KIF17: variants seen among roughly 807,000 people sequenced by gnomAD.
KIF17 encodes kinesin family member 17, also known as kinesin-like protein KIF17.
Under a neutral mutation model 96.8 loss-of-function variants are expected in KIF17, and 80 were observed. That is an observed-to-expected ratio of 0.83 (90% CI 0.69 to 1.00). The LOEUF (loss-of-function observed/expected upper bound fraction) is 1.00. Ranked by LOEUF, KIF17 falls within the 50% of genes least tolerant of loss-of-function variation. The pLI, the probability that KIF17 is intolerant of heterozygous loss-of-function variation, is 0.00. For missense variants in KIF17, 1,280 were observed against 1,372.9 expected (o/e 0.93, Z 1.07); for synonymous variants, 567 against 587.5 (o/e 0.97, Z 0.51).
chr1:20,690,058 T>C (rs1471251195), intron 7 of KIF17, 130 bp downstream of exon 7: 13 of 965,562 alleles, frequency 1.3e-5, no homozygotes, highest in Non-Finnish European at 1.9e-5. Flanking sequence ...CCTACCTTAC[T>C]GGACCATTGT....
At chr1:20,693,246 CT>C (rs34024424) in intron 6 of KIF17, 4,873 of 133,178 alleles carry the variant, frequency 0.037, 242 homozygotes, top group African/African-American at 0.12. Flanking sequence ...ACGTCCTCAT[CT>C]TTTTTTTTTT....
At chr1:20,689,430 C>T (rs557327951) in intron 7 of KIF17, among the ~76,000 whole-genome samples, 80 of 152,268 alleles carry the variant, frequency 5.3e-4, no homozygotes, top group Middle Eastern at 3.4e-3. Flanking sequence ...GCAGGTGGAT[C>T]GCTTGAGCCC....
rs139439781 is a variant in KIF17, at chr1:20,698,858, G to A, written c.1124-370C>T. The stretch of plus-strand genomic sequence containing the variant: ...CCCATCAAAATAAATAAGCAAAATG[G>A]GTAACACGTTACAAGGCGATGTGTA... On this transcript the variant is annotated intron_variant, in intron 5 of 14. Transcript: ENST00000400463. Among the ~76,000 whole-genome samples the A allele has an allele frequency of 5.3e-5, 8 of 152,236 alleles. No individual in the cohort carries two copies. In the East Asian group the frequency reaches 1.5e-3, roughly 29 times the overall value.
intron 11 of KIF17, among the ~76,000 whole-genome samples, chr1:20,676,124 T>A (rs928117177): frequency 3.3e-5 from 5 of 152,222 alleles, no homozygotes; most frequent in African/African-American, 1.2e-4. Context: ...TTTACTCTTT[T>A]TTCTCTACCC....
intron 7 of KIF17, 100 bp from the exon 8 acceptor site, chr1:20,688,044 G>GC (rs2053971634): frequency 2.0e-5 from 18 of 918,692 alleles, no homozygotes; most frequent in Non-Finnish European, 1.6e-6. Flanking sequence ...TTTTTTGTTT[G>GC]TTTTTTTTTT....
chr1:20,717,218 A>C, intron 1 of KIF17: 1 of 529,154 alleles, frequency 1.9e-6, no homozygotes, highest in East Asian at 3.4e-5. Context: ...AATCCCAGCT[A>C]CTTGGGAGGC....
chr1:20,704,416 C>A lies in KIF17; in HGVS notation c.1123+31G>T, dbSNP rs1328286318. 1 of 1,577,362 alleles carries A rather than the reference C, an allele frequency of 6.3e-7. No individual in the cohort carries two copies. The highest frequency in any genetic ancestry group is 1.1e-5 in the South Asian group (1 of 89,042). On this transcript the variant is annotated intron_variant, in intron 5 of 14. Coordinates refer to ENST00000400463, the MANE Select transcript of KIF17 (RefSeq NM_001122819.3). This position sits in a 1 kb window ranked among gnomAD's most constrained non-coding sequence, Gnocchi z 6.8. ...AGGAAGCTTTCTCCTGGGGACCTGGCCCTCCCGCCACTACCCCAACGTGGT... is the reference window on the plus strand; with the variant it reads ...AGGAAGCTTTCTCCTGGGGACCTGGACCTCCCGCCACTACCCCAACGTGGT...
chr1:20,706,896 A>AG (rs1050974533), intron 4 of KIF17, among the ~76,000 whole-genome samples: 1 of 151,522 alleles, frequency 6.6e-6, no homozygotes, highest in African/African-American at 2.4e-5. Flanking sequence ...CTCAAAAAAA[A>AG]AAAGAAAGAA....
chr1:20,680,998 C>T (rs865833602), intron 11 of KIF17, among the ~76,000 whole-genome samples: 10 of 150,540 alleles, frequency 6.6e-5, no homozygotes, highest in South Asian at 2.1e-4. Context: ...TGGTGGCGGG[C>T]GCCTGTAGTC....
intron 11 of KIF17, among the ~76,000 whole-genome samples, chr1:20,680,585 T>G (rs936632041): frequency 6.6e-6 from 1 of 151,306 alleles, no homozygotes; most frequent in East Asian, 2.0e-4. Context: ...AAATAAGAAA[T>G]AAAAAATAAC....
intron 5 of KIF17, 66 bp from the exon 6 acceptor site, chr1:20,698,554 A>C (rs955708187): frequency 5.6e-6 from 6 of 1,078,170 alleles, no homozygotes; most frequent in Non-Finnish European, 8.5e-6. Context: ...CTAAGCAGAA[A>C]TCTATAAAAA....
At chr1:20,708,656 G>A (rs6426645) in intron 4 of KIF17, among the ~76,000 whole-genome samples, 51,471 of 152,000 alleles carry the variant, frequency 0.34, 10,993 homozygotes, top group Non-Finnish European at 0.48. Context: ...AATTAGCGGC[G>A]GTGAGACCTT....
At position 20,717,712 on chromosome 1, in the gene KIF17, C is replaced by G. The variant is rs2054607011; in HGVS notation, c.-6G>C. ...TTCACCGCCTCGGAGGCCATGGCGC[C>G]GCGCCCAGGACCAACGGGACCAGAG... is the stretch of plus-strand genomic sequence containing the variant. On this transcript the variant is annotated 5_prime_UTR_variant, in exon 1 of 15. Transcript: ENST00000400463. 2 of 1,569,684 alleles carry G rather than the reference C, an allele frequency of 1.3e-6. No individual in the cohort carries two copies. The highest frequency in any genetic ancestry group is 1.7e-6 in the Non-Finnish European group (2 of 1,164,432).
At chr1:20,691,094 C>G (rs1158271296) in intron 6 of KIF17, among the ~76,000 whole-genome samples, 1 of 151,356 alleles carries the variant, frequency 6.6e-6, no homozygotes, top group Non-Finnish European at 1.5e-5. Context: ...GCCAGGAGTT[C>G]AAGACCAGCC....
At chr1:20,673,188 T>C (rs2053677992) in intron 11 of KIF17, among the ~76,000 whole-genome samples, 1 of 152,046 alleles carries the variant, frequency 6.6e-6, no homozygotes, top group Admixed American at 6.6e-5. Context: ...CACTCCAGCC[T>C]GGGCGACAGA....
intron 4 of KIF17, among the ~76,000 whole-genome samples, chr1:20,706,714 C>T (rs991684824): frequency 5.5e-5 from 8 of 145,178 alleles, no homozygotes; most frequent in Admixed American, 2.7e-4. Context: ...GGCAAAACCC[C>T]GTCTCTACAA....
intron 3 of KIF17, among the ~76,000 whole-genome samples, chr1:20,712,067 C>T (rs534314402): frequency 2.0e-5 from 3 of 152,296 alleles, no homozygotes; most frequent in African/African-American, 7.2e-5. Context: ...GTTCAATAGG[C>T]CTGAGACCCA....
At chr1:20,695,849 T>C (rs2054128145) in intron 6 of KIF17, among the ~76,000 whole-genome samples, 1 of 152,122 alleles carries the variant, frequency 6.6e-6, no homozygotes, top group Non-Finnish European at 1.5e-5. Flanking sequence ...TGAAAAACCC[T>C]TCCTTGGCCC....
chr1:20,708,664 C>T (rs1311214955), intron 4 of KIF17, among the ~76,000 whole-genome samples: 1 of 152,204 alleles, frequency 6.6e-6, no homozygotes, highest in African/African-American at 2.4e-5. Context: ...GCGGTGAGAC[C>T]TTGAACAAGC....
Sources: allele counts gnomAD v4.1 joint callset (sites outside exome capture counted in the v4.1 genomes callset), GRCh38; gene constraint gnomAD v4.1.1; non-coding constraint Gnocchi (gnomAD v3.1); transcripts MANE v1.5; gene names NCBI Gene and HGNC (gene_info 2026-07-23, HGNC 2026-07-21).